The following PIWIL1 variants were observed in gnomAD, a reference collection of about 807,000 sequenced individuals.
PIWIL1 encodes the protein piwi-like protein 1.
In PIWIL1, 73 loss-of-function variants were observed where a neutral mutation model predicts 114.4. The observed-to-expected ratio is 0.64, with a 90% confidence interval of 0.53 to 0.78. The LOEUF (loss-of-function observed/expected upper bound fraction) is 0.78, where lower values mean the gene tolerates loss of function less well. Among genes scored for constraint, PIWIL1 ranks in the 30% least tolerant of loss-of-function variants. The pLI, the probability that PIWIL1 is intolerant of heterozygous loss-of-function variation, is 0.00. For missense variants in PIWIL1, 723 were observed against 1,063.1 expected (o/e 0.68, Z 4.45); for synonymous variants, 375 against 369.0 (o/e 1.02, Z -0.19).
the PIWIL1 span, chr12:130,397,579 G>C: frequency 2.5e-5 from 10 of 398,730 alleles, no homozygotes; most frequent in Non-Finnish European, 4.0e-5. Context: ...AGTTTATTGA[G>C]TGTGTGAGCG....
chr12:130,382,299 C>T, the PIWIL1 span, among the ~76,000 whole-genome samples: 1 of 152,216 alleles, frequency 6.6e-6, no homozygotes, highest in East Asian at 1.9e-4. Flanking sequence ...CCACTTGCAG[C>T]TCCTAAAGTG....
chr12:130,422,353 C>A, the PIWIL1 span: 1 of 698,112 alleles, frequency 1.4e-6, no homozygotes, highest in Non-Finnish European at 2.4e-6. This position sits in a 1 kb window ranked among gnomAD's most constrained non-coding sequence, Gnocchi z 5.2. Flanking sequence ...CTTTGCTTAG[C>A]GGAAAATGCT....
the PIWIL1 span, among the ~76,000 whole-genome samples, chr12:130,378,289 G>A: frequency 6.6e-6 from 1 of 152,212 alleles, no homozygotes; most frequent in Admixed American, 6.5e-5. Context: ...TTAAAGCAGA[G>A]TCTGTGTATC....
At chr12:130,390,353 T>G in the PIWIL1 span, among the ~76,000 whole-genome samples, 1 of 152,196 alleles carries the variant, frequency 6.6e-6, no homozygotes, top group Non-Finnish European at 1.5e-5. Context: ...TGTGAGGTTG[T>G]TTGTACAGCA....
chr12:130,417,009 A>G, the PIWIL1 span, among the ~76,000 whole-genome samples: 17 of 152,334 alleles, frequency 1.1e-4, no homozygotes, highest in South Asian at 2.1e-4. Flanking sequence ...ATCACTAATC[A>G]TTAGAGAAAT....
At chr12:130,422,999 C>A in the PIWIL1 span, among the ~76,000 whole-genome samples, 1 of 152,178 alleles carries the variant, frequency 6.6e-6, no homozygotes, top group East Asian at 1.9e-4. The surrounding 1 kb of genome is among the most constrained non-coding windows in gnomAD (Gnocchi z 5.2). Flanking sequence ...GGATAAAAGT[C>A]GTATGTGAGG....
At chr12:130,391,514 G>A in the PIWIL1 span, among the ~76,000 whole-genome samples, 3 of 152,290 alleles carry the variant, frequency 2.0e-5, no homozygotes, top group East Asian at 3.9e-4. Flanking sequence ...TCTATCCCCA[G>A]AGAAGTCTTT....
chr12:130,422,093 A>AC, the PIWIL1 span, among the ~76,000 whole-genome samples: 3 of 152,262 alleles, frequency 2.0e-5, no homozygotes, highest in African/African-American at 7.2e-5. The surrounding 1 kb of genome is among the most constrained non-coding windows in gnomAD (Gnocchi z 5.2). Context: ...CCCCTGAGGC[A>AC]CGCTGACATC....
intron 11 of PIWIL1, 143 bp from the exon 12 acceptor site, chr12:130,355,402 TTGTGCTCC>T: frequency 1.5e-6 from 1 of 681,816 alleles, no homozygotes; most frequent in Non-Finnish European, 2.6e-6. Context: ...AGAAAGATGA[TTGTGCTCC>T]TGTGCCAGCT....
intron 14 of PIWIL1, 80 bp from the exon 15 acceptor site, chr12:130,361,100 T>G (rs11609194): frequency 1.6e-5 from 19 of 1,165,464 alleles, no homozygotes; most frequent in South Asian, 2.8e-5. Flanking sequence ...ACTTCACAGG[T>G]GAGTTTAGTT....
At chr12:130,419,139 C>T in the PIWIL1 span, among the ~76,000 whole-genome samples, 1 of 152,178 alleles carries the variant, frequency 6.6e-6, no homozygotes, top group East Asian at 1.9e-4. This position sits in a 1 kb window ranked among gnomAD's most constrained non-coding sequence, Gnocchi z 4.3. Flanking sequence ...TGGAATGTGT[C>T]CATGGAAACT....
At chr12:130,361,081 G>T in intron 14 of PIWIL1, 99 bp from the exon 15 acceptor site, 1 of 932,784 alleles carries the variant, frequency 1.1e-6, no homozygotes, top group East Asian at 2.6e-5. Flanking sequence ...TCATGTTCTT[G>T]ACATTGATAC....
At chr12:130,347,685 T>C (rs2073104812) in intron 6 of PIWIL1, among the ~76,000 whole-genome samples, 1 of 152,200 alleles carries the variant, frequency 6.6e-6, no homozygotes, top group Non-Finnish European at 1.5e-5. Flanking sequence ...AAATTGATTT[T>C]TCCCTAAACG....
chr12:130,348,231 C>G, intron 7 of PIWIL1, 48 bp downstream of exon 7: 1 of 1,072,004 alleles, frequency 9.3e-7, no homozygotes, highest in Non-Finnish European at 1.4e-6. Flanking sequence ...TAATGACAGA[C>G]TTTTGAGACG....
chr12:130,398,402 A>C, the PIWIL1 span: 1 of 152,664 alleles, frequency 6.6e-6, no homozygotes, highest in Non-Finnish European at 1.5e-5. Context: ...TGGATTTAAA[A>C]TCAAGGTCTA....
At chr12:130,408,734 T>A in the PIWIL1 span, among the ~76,000 whole-genome samples, 1 of 152,242 alleles carries the variant, frequency 6.6e-6, no homozygotes, top group Admixed American at 6.5e-5. Flanking sequence ...GGCATTTATG[T>A]GTTTCTTCTA....
At position 130,363,142 on chromosome 12, in the gene PIWIL1, C is replaced by G. The variant is rs1184799648; in HGVS notation, c.2193C>G (p.Tyr731Ter). 6.2e-7 allele frequency: 1 copy of G among 1,613,032 alleles called. No homozygotes were observed. Among genetic ancestry groups the G allele is most frequent in the Admixed American group, 1.7e-5 (1 of 59,874 alleles). The change falls in exon 18 of 21, where the codon TAC becomes TAG. Residue 731 changes from tyrosine (Y) to a stop codon, truncating the protein, a stop_gained and splice_region_variant. Transcript: ENST00000245255. LOFTEE classifies it high-confidence loss of function. ...GTCTAAAATCCATTGGTAGAGGTTA[C>G]AAGTAAGCATGCAAATTGTAAAGCA... Reference protein sequence around the residue: ...LDCLKSIGRGYNPRLTVIVVK... With the variant: ...LDCLKSIGRG
chr12:130,354,684 C>T, intron 10 of PIWIL1, 21 bp downstream of exon 10: 1 of 1,552,604 alleles, frequency 6.4e-7, no homozygotes. Flanking sequence ...ATTTCATTTA[C>T]TCGGAAGGAA....
At chr12:130,422,405 A>T in the PIWIL1 span, 1 of 1,349,696 alleles carries the variant, frequency 7.4e-7, no homozygotes, top group Non-Finnish European at 1.1e-6. The surrounding 1 kb of genome is among the most constrained non-coding windows in gnomAD (Gnocchi z 5.2). Context: ...GTAAGCAGCC[A>T]CATGCTCCGC....
Sources: allele counts gnomAD v4.1 joint callset (sites outside exome capture counted in the v4.1 genomes callset), GRCh38; gene constraint gnomAD v4.1.1; non-coding constraint Gnocchi (gnomAD v3.1); transcripts MANE v1.5; gene names NCBI Gene and HGNC (gene_info 2026-07-23, HGNC 2026-07-21).